The following PRKG1 variants were observed in gnomAD, a reference collection of about 807,000 sequenced individuals.
PRKG1 encodes cGMP-dependent protein kinase 1.
In PRKG1, 35 loss-of-function variants were observed where a neutral mutation model predicts 88.1. The observed-to-expected ratio is 0.40, with a 90% CI of 0.30 to 0.53. PRKG1 has a LOEUF of 0.53. Among genes scored for constraint, PRKG1 ranks in the 20% least tolerant of loss-of-function variants. The pLI, the probability that PRKG1 is intolerant of heterozygous loss-of-function variation, is 0.59. For synonymous variants in PRKG1, 303 were observed against 292.5 expected, an observed-to-expected ratio of 1.04 and a Z score of -0.37; for missense variants, 540 against 839.8, an observed-to-expected ratio of 0.64 and a Z score of 4.41.
At chr10:51,196,093 A>C (rs80311027) in intron 2 of PRKG1, among the ~76,000 whole-genome samples, 5 of 152,220 alleles carry the variant, frequency 3.3e-5, no homozygotes, top group African/African-American at 4.8e-5. Context: ...ATGGTCAAGA[A>C]GTAGAAAGGA....
chr10:51,676,784 C>T (rs1840722276), intron 3 of PRKG1, among the ~76,000 whole-genome samples: 1 of 152,118 alleles, frequency 6.6e-6, no homozygotes, highest in African/African-American at 2.4e-5. Context: ...AAAGTAATAG[C>T]GGGTGTCTCA....
chr10:51,655,488 A>AGAATTATTAAAT (rs1840139396), intron 3 of PRKG1, among the ~76,000 whole-genome samples: 2 of 152,126 alleles, frequency 1.3e-5, no homozygotes, highest in South Asian at 4.1e-4. Context: ...ATAATTCAGC[A>AGAATTATTAAAT]CATTTAGAAT....
intron 3 of PRKG1, among the ~76,000 whole-genome samples, chr10:51,673,877 T>G (rs1424382475): frequency 6.6e-6 from 1 of 152,234 alleles, no homozygotes; most frequent in African/African-American, 2.4e-5. Context: ...GATATGCTGC[T>G]TTTTTAATGT....
At chr10:51,575,741 C>T (rs909107133) in intron 3 of PRKG1, among the ~76,000 whole-genome samples, 7 of 151,804 alleles carry the variant, frequency 4.6e-5, no homozygotes, top group African/African-American at 1.7e-4. Context: ...AACTTTTCTT[C>T]AACTCCTAAG....
intron 5 of PRKG1, among the ~76,000 whole-genome samples, chr10:52,032,429 A>G (rs1452640198): frequency 6.6e-6 from 1 of 152,194 alleles, no homozygotes; most frequent in Non-Finnish European, 1.5e-5. Context: ...TAAATACCTC[A>G]GAGAATCATT....
intron 2 of PRKG1, among the ~76,000 whole-genome samples, chr10:51,214,659 G>C (rs1297442649): frequency 6.7e-6 from 1 of 149,902 alleles, no homozygotes; most frequent in East Asian, 2.0e-4. Flanking sequence ...TTTTTATTTT[G>C]TAGAGACGGT....
At chr10:51,406,084 T>C (rs1837903853) in intron 2 of PRKG1, among the ~76,000 whole-genome samples, 1 of 152,190 alleles carries the variant, frequency 6.6e-6, no homozygotes. Context: ...CCTCTGTCTC[T>C]ACTTCTCCAG....
intron 5 of PRKG1, among the ~76,000 whole-genome samples, chr10:52,025,855 G>A (rs1845322129): frequency 6.6e-6 from 1 of 151,034 alleles, no homozygotes; most frequent in Non-Finnish European, 1.5e-5. Flanking sequence ...TTTAAATTTA[G>A]CTAAGTCAAT....
chr10:51,977,407 T>C (rs1271142675), intron 5 of PRKG1, among the ~76,000 whole-genome samples: 2 of 152,102 alleles, frequency 1.3e-5, no homozygotes, highest in African/African-American at 4.8e-5. Context: ...TCTTTGCTAT[T>C]GTGAGTAGTG....
intron 8 of PRKG1, among the ~76,000 whole-genome samples, chr10:52,143,457 T>C (rs1455319338): frequency 6.6e-6 from 1 of 152,112 alleles, no homozygotes; most frequent in East Asian, 1.9e-4. Flanking sequence ...CATTGCCAAA[T>C]GTCTCCTGTG....
At chr10:51,901,055 A>G (rs1407211002) in intron 4 of PRKG1, among the ~76,000 whole-genome samples, 1 of 152,208 alleles carries the variant, frequency 6.6e-6, no homozygotes, top group Non-Finnish European at 1.5e-5. Context: ...TAAGAAAATA[A>G]CAACTAGTAT....
At chr10:51,876,511 G>T (rs1416634149) in intron 4 of PRKG1, among the ~76,000 whole-genome samples, 1 of 152,128 alleles carries the variant, frequency 6.6e-6, no homozygotes, top group African/African-American at 2.4e-5. Flanking sequence ...GTTTATATTT[G>T]TTTTTGTTTG....
intron 3 of PRKG1, among the ~76,000 whole-genome samples, chr10:51,772,215 T>G (rs1007755885): frequency 6.6e-6 from 1 of 152,172 alleles, no homozygotes; most frequent in African/African-American, 2.4e-5. Flanking sequence ...TTTGGAAATA[T>G]GTGTCAAACA....
chr10:51,040,690 C>T lies in PRKG1; in HGVS notation c.266+49046C>T, dbSNP rs528479477. Reference sequence around the variant, plus strand: ...TTTCACTTGTTTGGTTAAGATAATTCGTAGGTGTTTAATTTTATTTGTAGC... The same window carrying T: ...TTTCACTTGTTTGGTTAAGATAATTTGTAGGTGTTTAATTTTATTTGTAGC... On this transcript the variant is annotated intron_variant, in intron 1 of 17. Transcript: ENST00000401604. Among the ~76,000 whole-genome samples, 55 of 151,934 alleles carry T rather than the reference C, an allele frequency of 3.6e-4. No individual in the cohort carries two copies. In the South Asian group the frequency reaches 0.01, roughly 29 times the overall value.
At chr10:51,842,224 A>T (rs16923985) in intron 4 of PRKG1, among the ~76,000 whole-genome samples, 2 of 152,150 alleles carry the variant, frequency 1.3e-5, no homozygotes, top group Non-Finnish European at 2.9e-5. Context: ...TCAGCATTGC[A>T]TATCATTATT....
chr10:51,450,426 C>T (rs1259789818), intron 2 of PRKG1, among the ~76,000 whole-genome samples: 2 of 151,950 alleles, frequency 1.3e-5, no homozygotes, highest in African/African-American at 4.8e-5. Context: ...ATATTAGTAA[C>T]TCTAAGGTAA....
chr10:51,850,328 C>A (rs1052055918), intron 4 of PRKG1, among the ~76,000 whole-genome samples: 12 of 152,240 alleles, frequency 7.9e-5, no homozygotes, highest in African/African-American at 2.9e-4. Flanking sequence ...GGGCACCCAC[C>A]ATCACACCCA....
At chr10:52,244,260 A>C (rs1300528465) in intron 9 of PRKG1, among the ~76,000 whole-genome samples, 1 of 152,064 alleles carries the variant, frequency 6.6e-6, no homozygotes, top group Non-Finnish European at 1.5e-5. Context: ...TTAATTTGAA[A>C]ACATGATTTA....
intron 5 of PRKG1, among the ~76,000 whole-genome samples, chr10:52,032,407 T>C (rs555282105): frequency 1.3e-5 from 2 of 152,298 alleles, no homozygotes; most frequent in East Asian, 1.9e-4. Flanking sequence ...TCTGGTAAAA[T>C]AGAGATCATA....
Sources: allele counts gnomAD v4.1 joint callset (sites outside exome capture counted in the v4.1 genomes callset), GRCh38; gene constraint gnomAD v4.1.1; transcripts MANE v1.5; gene names NCBI Gene and HGNC (gene_info 2026-07-23, HGNC 2026-07-21).